TSGA10: variants seen among roughly 807,000 people sequenced by gnomAD.
TSGA10 encodes the protein testis specific 10.
TSGA10 carries 43 observed loss-of-function variants against 96.6 expected under a neutral mutation model. The ratio of observed to expected loss-of-function variants is 0.44; its 90% CI spans 0.35 to 0.57. The LOEUF is 0.57. Ranked by LOEUF, TSGA10 falls within the 20% of genes least tolerant of loss-of-function variation. The probability of loss-of-function intolerance (pLI) is 0.01; values close to 1 mark genes in which losing one functional copy is unlikely to be tolerated. For synonymous variants in TSGA10, 229 were observed against 269.9 expected (o/e 0.85, Z 1.48); for missense variants, 703 against 834.4 (o/e 0.84, Z 1.94).
chr2:99,080,383 A>G (rs2087302901), intron 11 of TSGA10, among the ~76,000 whole-genome samples: 1 of 151,984 alleles, frequency 6.6e-6, no homozygotes, highest in Non-Finnish European at 1.5e-5. Context: ...TCTTCTTCCT[A>G]CTTCTTTGGC....
chr2:99,021,205 T>G (rs918738357), intron 17 of TSGA10, among the ~76,000 whole-genome samples: 3 of 151,438 alleles, frequency 2.0e-5, no homozygotes, highest in Non-Finnish European at 2.9e-5. Flanking sequence ...TAAATTCCAG[T>G]GAAAAGAAAT....
At chr2:99,024,694 A>C (rs940705013) in intron 17 of TSGA10, among the ~76,000 whole-genome samples, 1 of 152,190 alleles carries the variant, frequency 6.6e-6, no homozygotes, top group Non-Finnish European at 1.5e-5. Context: ...GTTGAATAGA[A>C]AAGGCAAGGT....
chr2:99,141,202 C>T, intron 1 of TSGA10: 1 of 1,166,700 alleles, frequency 8.6e-7, no homozygotes, highest in Non-Finnish European at 1.1e-6. Flanking sequence ...CTCCATCCTC[C>T]GCCCCTTTCT....
At chr2:99,024,388 G>GT (rs1469811075) in intron 17 of TSGA10, among the ~76,000 whole-genome samples, 1 of 151,824 alleles carries the variant, frequency 6.6e-6, no homozygotes, top group Non-Finnish European at 1.5e-5. Flanking sequence ...GCGTCTGGCC[G>GT]TATTTGTCCT....
intron 4 of TSGA10, among the ~76,000 whole-genome samples, chr2:99,115,865 G>A (rs529882902): frequency 1.3e-5 from 2 of 152,102 alleles, no homozygotes; most frequent in African/African-American, 2.4e-5. Context: ...GGTGACAGAC[G>A]GAAACTCTGT....
At chr2:98,998,907 A>AT (rs1425746881) in intron 20 of TSGA10, among the ~76,000 whole-genome samples, 1 of 151,798 alleles carries the variant, frequency 6.6e-6, no homozygotes, top group African/African-American at 2.4e-5. Context: ...TTTAATTACT[A>AT]TTTTTTGGAG....
chr2:99,128,250 A>G (rs1200468112), intron 1 of TSGA10, among the ~76,000 whole-genome samples: 1 of 152,164 alleles, frequency 6.6e-6, no homozygotes, highest in Non-Finnish European at 1.5e-5. Flanking sequence ...TCTCTTCTCT[A>G]AACAAGACAC....
intron 2 of TSGA10, chr2:99,125,916 T>C (rs2092800300): frequency 6.6e-6 from 1 of 152,156 alleles, no homozygotes; most frequent in Non-Finnish European, 1.5e-5. Context: ...TGCTGATAGG[T>C]GGTAGAAGTT....
intron 1 of TSGA10, among the ~76,000 whole-genome samples, chr2:99,132,819 A>G (rs899785509): frequency 6.6e-6 from 1 of 152,106 alleles, no homozygotes; most frequent in African/African-American, 2.4e-5. Context: ...CTTTGTTCTC[A>G]TTGGTTTCAA....
chr2:99,002,142 A>G (rs536500928), intron 20 of TSGA10, among the ~76,000 whole-genome samples: 17 of 152,286 alleles, frequency 1.1e-4, no homozygotes, highest in African/African-American at 4.1e-4. Context: ...AGAACGCTAC[A>G]AAGATACTCC....
chr2:99,130,874 T>C (rs1000609280), intron 1 of TSGA10, among the ~76,000 whole-genome samples: 3 of 152,236 alleles, frequency 2.0e-5, no homozygotes, highest in Non-Finnish European at 4.4e-5. Context: ...ATTTATGAAG[T>C]AGAGAATCCT....
At chr2:99,001,717 C>T (rs1399121971) in intron 20 of TSGA10, among the ~76,000 whole-genome samples, 1 of 152,090 alleles carries the variant, frequency 6.6e-6, no homozygotes, top group African/African-American at 2.4e-5. Flanking sequence ...GAACCCATCG[C>T]AAAGAAGCTA....
Position 99,056,370 on chromosome 2 carries a change from C to T in TSGA10, c.1404+8569G>A, listed in dbSNP as rs187136470. ...GTAGTAACGCAATCCTTACATACTG[C>T]ATTAGTAGTAATGTGACCTTACTGA... On this transcript the variant is annotated intron_variant, in intron 16 of 20. Transcript: ENST00000393483. 9.2e-5 allele frequency among the ~76,000 whole-genome samples: 14 copies of T among 152,114 alleles called. No homozygotes were observed. The East Asian group carries it at 2.5e-3, about 27-fold the overall frequency.
chr2:99,085,201 C>T (rs1447390590), intron 10 of TSGA10, among the ~76,000 whole-genome samples: 7 of 151,728 alleles, frequency 4.6e-5, no homozygotes, highest in Non-Finnish European at 2.9e-5. Flanking sequence ...GAGGTGAGAT[C>T]GCACCACTGC....
chr2:99,135,964 G>A (rs2093306815), intron 1 of TSGA10, among the ~76,000 whole-genome samples: 1 of 146,974 alleles, frequency 6.8e-6, no homozygotes, highest in Non-Finnish European at 1.5e-5. Flanking sequence ...AGCCAAGATT[G>A]CACCATTGCA....
chr2:99,003,959 G>C (rs1426581751), intron 20 of TSGA10, among the ~76,000 whole-genome samples: 2 of 152,106 alleles, frequency 1.3e-5, no homozygotes, highest in African/African-American at 4.8e-5. Context: ...GAGCAGAACT[G>C]AAGGAAATAG....
intron 9 of TSGA10, among the ~76,000 whole-genome samples, chr2:99,104,548 C>T (rs1360458409): frequency 2.0e-5 from 3 of 151,754 alleles, no homozygotes; most frequent in Non-Finnish European, 4.4e-5. Context: ...GATCTCGGCT[C>T]ACTGCAATCT....
intron 10 of TSGA10, among the ~76,000 whole-genome samples, chr2:99,096,199 CAT>C (rs765402161): frequency 9.2e-5 from 14 of 152,148 alleles, no homozygotes; most frequent in Non-Finnish European, 1.5e-4. Flanking sequence ...TGAGAATTAA[CAT>C]GTTTTATTCT....
At chr2:99,141,614 G>A (rs531850779) in intron 1 of TSGA10, 413 of 152,942 alleles carry the variant, frequency 2.7e-3, no homozygotes, top group Non-Finnish European at 5.1e-3. Context: ...CCGTCTCCTA[G>A]TAACCAGCCG....
Sources: gnomAD v4.1 joint callset for allele counts (sites outside exome capture counted in the v4.1 genomes callset) on GRCh38, gnomAD v4.1.1 for gene constraint, MANE v1.5 for transcripts, NCBI Gene and HGNC (gene_info 2026-07-23, HGNC 2026-07-21) for gene names.